WDR74: variants seen among roughly 807,000 people sequenced by gnomAD.
The protein encoded by WDR74 is WD repeat-containing protein 74.
In WDR74, 31 loss-of-function variants were observed where a neutral mutation model predicts 45.6. The ratio of observed to expected loss-of-function variants is 0.68; its 90% confidence interval spans 0.51 to 0.92. The LOEUF (loss-of-function observed/expected upper bound fraction) is 0.92, where lower values mean the gene tolerates loss of function less well. WDR74 is among the 40% of genes least tolerant of loss of function. WDR74 has a pLI of 0.00. For synonymous variants in WDR74, 191 were observed against 192.4 expected (o/e 0.99, Z 0.06); for missense variants, 455 against 497.2 (o/e 0.92, Z 0.81).
At position 62,839,302 on chromosome 11, in the gene WDR74, C is replaced by G. The variant is rs778391878; in HGVS notation, c.171+20G>C. 3.1e-6 allele frequency: 5 copies of G among 1,610,388 alleles called. No individual in the cohort carries two copies. In the South Asian group the frequency reaches 5.5e-5, roughly 18 times the overall value. On this transcript the variant is annotated intron_variant, in intron 2 of 10. Coordinates refer to ENST00000278856, the MANE Select transcript of WDR74 (RefSeq NM_001369450.1). ...CTGCGCCCCAGGCCCCCAGCTCCGGCCCGACCAGGGGCCACTCACCTGGGT... is the reference window on the plus strand; with the variant it reads ...CTGCGCCCCAGGCCCCCAGCTCCGGGCCGACCAGGGGCCACTCACCTGGGT...
upstream of WDR74, chr11:62,841,481 GAC>G (rs2085050514): frequency 6.6e-6 from 1 of 152,258 alleles, no homozygotes; most frequent in African/African-American, 2.4e-5. Flanking sequence ...CTCTCAACAA[GAC>G]ACTCAAACAC....
intron 9 of WDR74, 35 bp from the exon 10 acceptor site, chr11:62,833,709 T>C (rs2084912854): frequency 6.3e-7 from 1 of 1,577,692 alleles, no homozygotes; most frequent in South Asian, 1.2e-5. Flanking sequence ...GAGCCAGGCA[T>C]GCTGAGACAG....
upstream of WDR74, chr11:62,841,506 A>G (rs1291091428): frequency 2.0e-5 from 3 of 152,272 alleles, no homozygotes; most frequent in South Asian, 2.1e-4. Context: ...GTCATTCAAC[A>G]CACTAGCGAT....
chr11:62,835,560 G>C, intron 5 of WDR74, 28 bp from the exon 6 acceptor site: 1 of 1,613,484 alleles, frequency 6.2e-7, no homozygotes, highest in Non-Finnish European at 8.5e-7. Flanking sequence ...TGGAGGACAG[G>C]GCTATGGGGG....
intron 3 of WDR74, among the ~76,000 whole-genome samples, chr11:62,838,777 A>C (rs1276503600): frequency 6.6e-6 from 1 of 151,832 alleles, no homozygotes; most frequent in African/African-American, 2.4e-5. Flanking sequence ...AAAAAAAACA[A>C]AAAACAAACA....
chr11:62,835,316 G>A (rs181300312), intron 6 of WDR74, 115 bp downstream of exon 6: 15 of 912,954 alleles, frequency 1.6e-5, no homozygotes, highest in African/African-American at 6.6e-5. Context: ...ACGGGGAAGC[G>A]CTTGCTCCTC....
At chr11:62,834,390 G>GGGGCGCC in intron 7 of WDR74, 37 bp downstream of exon 7, 2 of 1,584,238 alleles carry the variant, frequency 1.3e-6, no homozygotes, top group South Asian at 1.1e-5. Context: ...CCCTTCTCAA[G>GGGGCGCC]CCCCACCCTC....
At chr11:62,841,736 A>G (rs1049142520), upstream of WDR74, 10 of 152,218 alleles carry the variant, frequency 6.6e-5, no homozygotes, top group South Asian at 2.1e-4. Context: ...GTCCTCGGAT[A>G]GAGGACGTAT....
At position 62,839,526 on chromosome 11, in the gene WDR74, G is replaced by T. The variant is rs746358516; in HGVS notation, c.45C>A (p.Thr15=). Residue 15 remains threonine (T), a synonymous_variant, in exon 1 of 11, where the codon ACC becomes ACA. Coordinates refer to ENST00000278856, the MANE Select transcript of WDR74 (RefSeq NM_001369450.1). ...ACCCACCTTTCAAGATCCCAGTCTCGGTGCCGACCCACACATGGTTCCAGC... is the reference window on the plus strand; with the variant it reads ...ACCCACCTTTCAAGATCCCAGTCTCTGTGCCGACCCACACATGGTTCCAGC... The part of the protein sequence containing the change: ...AARWNHVWVG[T]ETGILKGVNL... 24 of 1,613,408 alleles carry T rather than the reference G, an allele frequency of 1.5e-5. No individual in the cohort carries two copies. Among genetic ancestry groups the T allele is most frequent in the Non-Finnish European group, 1.9e-5 (22 of 1,179,850 alleles).
chr11:62,835,900 G>A (rs1386471696), intron 4 of WDR74, 59 bp from the exon 5 acceptor site: 112 of 1,586,166 alleles, frequency 7.1e-5, no homozygotes, highest in South Asian at 2.1e-4. Context: ...CTTCCCCAGC[G>A]TGATCATTAG....
intron 8 of WDR74, 23 bp from the exon 9 acceptor site, chr11:62,833,960 G>A (rs370677198): frequency 4.0e-5 from 65 of 1,609,122 alleles, no homozygotes; most frequent in East Asian, 3.8e-4. Flanking sequence ...GGAAGCATCC[G>A]TGATAACTGG....
At chr11:62,834,074 C>T (rs1174684463) in intron 8 of WDR74, 137 bp from the exon 9 acceptor site, 5 of 1,440,338 alleles carry the variant, frequency 3.5e-6, no homozygotes, top group Non-Finnish European at 3.8e-6. Context: ...CTAATATTTC[C>T]ATTTCGCAGG....
chr11:62,833,948 G>C lies in WDR74; in HGVS notation c.776-11C>G, dbSNP rs774731332. 49 of 1,611,612 alleles carry C rather than the reference G, an allele frequency of 3.0e-5. No individual in the cohort carries two copies. Among genetic ancestry groups the C allele is most frequent in the Non-Finnish European group, 4.0e-5 (47 of 1,178,722 alleles). ...AGCCCAGTAGACGCCCTAGAGAAGG[G>C]GGGAAGCATCCGTGATAACTGGCTG... is the stretch of plus-strand genomic sequence containing the variant. On this transcript the variant is annotated splice_polypyrimidine_tract_variant and intron_variant, in intron 8 of 10. Coordinates refer to ENST00000278856, the MANE Select transcript of WDR74 (RefSeq NM_001369450.1).
At chr11:62,834,151 G>T in intron 8 of WDR74, 125 bp downstream of exon 8, 1 of 1,506,406 alleles carries the variant, frequency 6.6e-7, no homozygotes, top group South Asian at 1.1e-5. Flanking sequence ...AGGGAAACCA[G>T]GATTTAAACC....
In WDR74 at chr11:62,838,992, G is replaced by C. The variant is rs2085002179; in HGVS notation, c.293+122C>G. ...TGAACTACATAAGGCAGAAACCCAG[G>C]TCCCTGTCACCCATTCAAAGCCGTG... is the stretch of plus-strand genomic sequence containing the variant. On this transcript the variant is annotated intron_variant, in intron 3 of 10. Transcript: ENST00000278856. 16 of 1,400,960 alleles carry C rather than the reference G, an allele frequency of 1.1e-5. No homozygotes were observed. The South Asian group carries it at 2.0e-4, about 17-fold the overall frequency. 86.8% of individuals were successfully genotyped at this position (1,400,960 alleles called of 1,614,324 possible).
chr11:62,837,304 C>G (rs1317282234), intron 3 of WDR74, among the ~76,000 whole-genome samples: 1 of 151,898 alleles, frequency 6.6e-6, no homozygotes, highest in Non-Finnish European at 1.5e-5. Context: ...ACTAGCCTGG[C>G]CAACATAGTG....
chr11:62,838,050 C>T (rs778465262), intron 3 of WDR74, among the ~76,000 whole-genome samples: 19 of 152,146 alleles, frequency 1.2e-4, no homozygotes, highest in Non-Finnish European at 2.5e-4. Flanking sequence ...CTGTAGTGAG[C>T]CATGAATGCA....
intron 4 of WDR74, 37 bp downstream of exon 4, chr11:62,835,923 GC>G: frequency 6.3e-7 from 1 of 1,583,980 alleles, no homozygotes; most frequent in Non-Finnish European, 8.6e-7. Flanking sequence ...ACCTACCCCA[GC>G]CCACCTCCCC....
chr11:62,838,771 A>C (rs1184202743), intron 3 of WDR74, among the ~76,000 whole-genome samples: 2 of 151,982 alleles, frequency 1.3e-5, no homozygotes, highest in African/African-American at 4.8e-5. Flanking sequence ...AAAAAAAAAA[A>C]AAACAAAAAA....
Sources: allele counts gnomAD v4.1 joint callset (sites outside exome capture counted in the v4.1 genomes callset), GRCh38; gene constraint gnomAD v4.1.1; transcripts MANE v1.5; gene names NCBI Gene and HGNC (gene_info 2026-07-23, HGNC 2026-07-21).